The following NPSR1 variants were observed in gnomAD, a reference collection of about 807,000 sequenced individuals.
NPSR1 encodes the protein neuropeptide S receptor 1.
NPSR1 carries 48 observed loss-of-function variants against 46.9 expected under a neutral mutation model. That is an observed-to-expected ratio of 1.02 (90% CI 0.81 to 1.30). The LOEUF is 1.30. Among genes scored for constraint, NPSR1 ranks in the 50% most tolerant of loss-of-function variants. The pLI, the probability that NPSR1 is intolerant of heterozygous loss-of-function variation, is 0.00. For synonymous variants in NPSR1, 176 were observed against 168.1 expected (o/e 1.05, Z -0.36); for missense variants, 450 against 449.5 (o/e 1.00, Z -0.01).
At chr7:34,720,820 T>C (rs1783818878) in intron 2 of NPSR1, among the ~76,000 whole-genome samples, 1 of 152,130 alleles carries the variant, frequency 6.6e-6, no homozygotes. Flanking sequence ...GCAAGAGTAA[T>C]TTATTCACAT....
chr7:34,828,256 T>C (rs1001667900), intron 5 of NPSR1, among the ~76,000 whole-genome samples: 2 of 151,530 alleles, frequency 1.3e-5, no homozygotes, highest in African/African-American at 2.4e-5. Flanking sequence ...GAAATCAGAG[T>C]GAGTGTAGAG....
chr7:34,872,043 C>T (rs922435513), intron 8 of NPSR1, among the ~76,000 whole-genome samples: 6 of 151,940 alleles, frequency 3.9e-5, no homozygotes, highest in African/African-American at 1.5e-4. Flanking sequence ...AGTAGAGTTT[C>T]TCTGTTGGGG....
intron 8 of NPSR1, among the ~76,000 whole-genome samples, chr7:34,860,128 A>T (rs1317915506): frequency 6.6e-6 from 1 of 151,796 alleles, no homozygotes. Flanking sequence ...TTATGCATGC[A>T]TATAAATGCC....
chr7:34,712,486 A>G (rs1783348242), intron 2 of NPSR1, among the ~76,000 whole-genome samples: 1 of 152,210 alleles, frequency 6.6e-6, no homozygotes, highest in African/African-American at 2.4e-5. Context: ...GTTAGTTACA[A>G]TGTTCCATCT....
intron 3 of NPSR1, among the ~76,000 whole-genome samples, chr7:34,792,352 C>T (rs1787917747): frequency 6.6e-6 from 1 of 151,430 alleles, no homozygotes; most frequent in African/African-American, 2.4e-5. Flanking sequence ...ATATTAGAAA[C>T]ATCTACAACT....
At chr7:34,831,257 T>C (rs529162728) in intron 5 of NPSR1, among the ~76,000 whole-genome samples, 2 of 152,094 alleles carry the variant, frequency 1.3e-5, no homozygotes, top group South Asian at 4.2e-4. Context: ...GTCATGTCAC[T>C]CTCTCTACTC....
At chr7:34,758,630 C>T (rs1217110109) in intron 2 of NPSR1, among the ~76,000 whole-genome samples, 1 of 152,192 alleles carries the variant, frequency 6.6e-6, no homozygotes, top group Non-Finnish European at 1.5e-5. Context: ...AGAAAATCTT[C>T]AAGAGTAGTA....
intron 8 of NPSR1, among the ~76,000 whole-genome samples, chr7:34,870,963 G>C (rs1791440840): frequency 6.6e-6 from 1 of 151,774 alleles, no homozygotes; most frequent in African/African-American, 2.4e-5. Flanking sequence ...AGGAAGGGTA[G>C]ATGAACAGAT....
At chr7:34,705,934 A>AT (rs71551069) in intron 2 of NPSR1, among the ~76,000 whole-genome samples, 56,136 of 148,196 alleles carry the variant, frequency 0.38, 11,073 homozygotes, top group African/African-American at 0.49. Context: ...TTTGGGTAGT[A>AT]TTTTTTTTTT....
intron 2 of NPSR1, among the ~76,000 whole-genome samples, chr7:34,763,375 T>A (rs761409316): frequency 6.6e-6 from 1 of 152,340 alleles, no homozygotes; most frequent in Admixed American, 6.5e-5. Context: ...GCAACAGCAG[T>A]AATAATGTAC....
At chr7:34,858,739 T>A (rs1791113241) in intron 8 of NPSR1, among the ~76,000 whole-genome samples, 1 of 151,556 alleles carries the variant, frequency 6.6e-6, no homozygotes, top group Non-Finnish European at 1.5e-5. Context: ...AACCATCAGA[T>A]CTCGTAAGAC....
intron 7 of NPSR1, among the ~76,000 whole-genome samples, chr7:34,847,693 G>T (rs1411455087): frequency 2.0e-5 from 3 of 152,142 alleles, no homozygotes; most frequent in Non-Finnish European, 4.4e-5. Context: ...CAACAGATTG[G>T]ATGCGGCCCA....
intron 2 of NPSR1, chr7:34,758,223 T>C (rs1473733611): frequency 6.6e-6 from 1 of 152,488 alleles, no homozygotes; most frequent in African/African-American, 2.4e-5. Flanking sequence ...GTATGTGTTA[T>C]CTGTTATGTC....
chr7:34,865,745 G>A lies in NPSR1; in HGVS notation c.1026-12331G>A, dbSNP rs532848276. ...CTAGCCCATGAATGCCAGTCACATG[G>A]TCCCCTTTGGGCAAGCTTGGGTGAG... On this transcript the variant is annotated intron_variant, in intron 8 of 8. Coordinates refer to the NPSR1 transcript ENST00000359791. Among the ~76,000 whole-genome samples, 4 of 151,784 alleles carry A rather than the reference G, an allele frequency of 2.6e-5. No homozygotes were observed. The South Asian group carries it at 8.3e-4, about 31-fold the overall frequency.
At chr7:34,699,198 G>A (rs1427631551) in intron 2 of NPSR1, among the ~76,000 whole-genome samples, 2 of 152,144 alleles carry the variant, frequency 1.3e-5, no homozygotes, top group Non-Finnish European at 2.9e-5. Context: ...TGCTGTTATT[G>A]ACCAGGTGTG....
At chr7:34,755,914 A>C (rs560240053) in intron 2 of NPSR1, among the ~76,000 whole-genome samples, 32 of 152,344 alleles carry the variant, frequency 2.1e-4, no homozygotes, top group African/African-American at 7.7e-4. Flanking sequence ...AGGTATTCTC[A>C]TTATGCCCAT....
At chr7:34,845,808 CGAATGAATGAAT>C (rs748560161) in intron 7 of NPSR1, among the ~76,000 whole-genome samples, 2 of 151,872 alleles carry the variant, frequency 1.3e-5, no homozygotes, top group African/African-American at 4.8e-5. Context: ...TAACATTTGT[CGAATGAATGAAT>C]GAATGAATGA....
At chr7:34,755,592 A>C (rs1423217324) in intron 2 of NPSR1, among the ~76,000 whole-genome samples, 2 of 152,134 alleles carry the variant, frequency 1.3e-5, no homozygotes, top group Non-Finnish European at 2.9e-5. Context: ...TTTCCAGTTT[A>C]GGGCTACTAT....
intron 1 of NPSR1, among the ~76,000 whole-genome samples, chr7:34,683,815 C>A (rs1177363389): frequency 6.6e-6 from 1 of 152,118 alleles, no homozygotes; most frequent in African/African-American, 2.4e-5. Flanking sequence ...CTAGTCACTT[C>A]TTAAAGGTTC....
Sources: gnomAD v4.1 joint callset for allele counts (sites outside exome capture counted in the v4.1 genomes callset) on GRCh38, gnomAD v4.1.1 for gene constraint, MANE v1.5 for transcripts, NCBI Gene and HGNC (gene_info 2026-07-23, HGNC 2026-07-21) for gene names.